Variants in TTC39A observed in about 807,000 individuals in gnomAD.
TTC39A encodes the protein tetratricopeptide repeat domain 39A.
TTC39A carries 46 observed loss-of-function variants against 82.3 expected under a neutral mutation model. That is an observed-to-expected ratio of 0.56 (90% CI 0.44 to 0.71). The LOEUF (loss-of-function observed/expected upper bound fraction) is 0.71. Among genes scored for constraint, TTC39A ranks in the 30% least tolerant of loss-of-function variants. The pLI is 0.00. For missense variants in TTC39A, 543 were observed against 712.9 expected (o/e 0.76, Z 2.71); for synonymous variants, 254 against 275.2 (o/e 0.92, Z 0.76).
chr1:51,301,834 G>A (rs1022877238), intron 11 of TTC39A, 101 bp from the exon 12 acceptor site: 1 of 1,491,510 alleles, frequency 6.7e-7, no homozygotes, highest in Non-Finnish European at 9.0e-7. Context: ...GACTCCTCCA[G>A]GGCATAGTGG....
intron 7 of TTC39A, chr1:51,305,551 C>A (rs888218551): frequency 9.7e-6 from 3 of 308,884 alleles, no homozygotes; most frequent in East Asian, 8.0e-5. Context: ...AACCTTCCCC[C>A]ACTCCATGCA....
At chr1:51,295,930 G>T (rs2297182) in intron 13 of TTC39A, 149 bp downstream of exon 13, 23,453 of 760,270 alleles carry the variant, frequency 0.031, 675 homozygotes, top group East Asian at 0.13. Context: ...GGGAGGACAC[G>T]CAGGGGGGGC....
At chr1:51,318,234 G>A (rs1645366585) in intron 2 of TTC39A, among the ~76,000 whole-genome samples, 1 of 152,166 alleles carries the variant, frequency 6.6e-6, no homozygotes, top group Non-Finnish European at 1.5e-5. Context: ...TTCCAGTGCA[G>A]GAGGGTGGCT....
At chr1:51,307,531 C>G (rs955456574) in intron 6 of TTC39A, among the ~76,000 whole-genome samples, 2 of 151,920 alleles carry the variant, frequency 1.3e-5, no homozygotes, top group Non-Finnish European at 2.9e-5. Context: ...GTCAGGAGTT[C>G]GAGACCAGCC....
At chr1:51,320,097 G>C (rs1481482506) in intron 2 of TTC39A, among the ~76,000 whole-genome samples, 1 of 152,154 alleles carries the variant, frequency 6.6e-6, no homozygotes, top group Non-Finnish European at 1.5e-5. Flanking sequence ...CCAGGAAACA[G>C]CCAGGAGGAG....
At chr1:51,305,516 C>G (rs1336360524) in intron 7 of TTC39A, 1 of 323,076 alleles carries the variant, frequency 3.1e-6, no homozygotes, top group Non-Finnish European at 5.9e-6. Flanking sequence ...GGAGCCAGCA[C>G]AGATGCTCAC....
Position 51,308,460 on chromosome 1 carries a change from G to A in TTC39A, c.488+801C>T, listed in dbSNP as rs186065760. On this transcript the variant is annotated intron_variant, in intron 6 of 17. Coordinates refer to ENST00000680483, the MANE Select transcript of TTC39A (RefSeq NM_001297663.2). ...TCACCAGGTTGGTCAGGCTGGTCTC[G>A]AACTCCTGGCCTCAGGTGATCCACC... 1.3e-4 allele frequency among the ~76,000 whole-genome samples: 20 copies of A among 152,228 alleles called. No individual in the cohort carries two copies. The East Asian group carries it at 2.1e-3, about 16-fold the overall frequency.
At chr1:51,325,632 C>T (rs1422909707) in intron 1 of TTC39A, among the ~76,000 whole-genome samples, 1 of 152,180 alleles carries the variant, frequency 6.6e-6, no homozygotes, top group African/African-American at 2.4e-5. Context: ...TAAGGTCACA[C>T]ATCCAAGCTA....
intron 1 of TTC39A, among the ~76,000 whole-genome samples, chr1:51,323,434 C>T (rs1645599930): frequency 6.6e-6 from 1 of 152,132 alleles, no homozygotes; most frequent in African/African-American, 2.4e-5. Flanking sequence ...CAATCAACCC[C>T]TTCTATGCCC....
At chr1:51,340,904 G>A (rs1396185128) in intron 1 of TTC39A, among the ~76,000 whole-genome samples, 1 of 152,200 alleles carries the variant, frequency 6.6e-6, no homozygotes, top group Non-Finnish European at 1.5e-5. Flanking sequence ...GGGTGCGGTA[G>A]CTCTTGCCTA....
upstream of TTC39A, chr1:51,331,179 A>T: frequency 6.5e-7 from 1 of 1,548,000 alleles, no homozygotes; most frequent in Non-Finnish European, 8.7e-7. Context: ...CTAGGACTGG[A>T]ATCCATCCCT....
At chr1:51,299,684 GCCTGGCCCA>G (rs1478152658) in intron 12 of TTC39A, 1 of 152,392 alleles carries the variant, frequency 6.6e-6, no homozygotes, top group African/African-American at 2.4e-5. Flanking sequence ...CAGCTGGGAG[GCCTGGCCCA>G]CCTTCTGTTC....
rs1312654904 is a variant in TTC39A, at chr1:51,321,197, G to A, written c.146+524C>T. Among the ~76,000 whole-genome samples the A allele has an allele frequency of 6.6e-6, 1 of 152,186 alleles. No homozygotes were observed. Among genetic ancestry groups the A allele is most frequent in the Non-Finnish European group, 1.5e-5 (1 of 68,028 alleles). On this transcript the variant is annotated intron_variant, in intron 2 of 17. Coordinates refer to ENST00000680483, the MANE Select transcript of TTC39A (RefSeq NM_001297663.2). The surrounding 1 kb of genome is among the most constrained non-coding windows in gnomAD (Gnocchi z 4.6). ...CCCAATAAATGTTTTAAAGTGATAA[G>A]AAAGGGTGAGTTTTACGGTATCTGA...
rs549903351 is a variant in TTC39A at position 51,310,322 on chromosome 1, G to T, written c.423+932C>A. Among the ~76,000 whole-genome samples, 4 of 152,314 alleles carry T rather than the reference G, an allele frequency of 2.6e-5. No individual in the cohort carries two copies. The East Asian group carries it at 7.7e-4, about 29-fold the overall frequency. On this transcript the variant is annotated intron_variant, in intron 5 of 17. Transcript: ENST00000680483. ...CCCCTGTTGGGTACATGGACAGGGTGAGGAGGAGCCCCAGGGTGAGGAGAG... is the reference window on the plus strand; with the variant it reads ...CCCCTGTTGGGTACATGGACAGGGTTAGGAGGAGCCCCAGGGTGAGGAGAG...
At chr1:51,340,783 A>G (rs1186158427) in intron 1 of TTC39A, among the ~76,000 whole-genome samples, 1 of 152,150 alleles carries the variant, frequency 6.6e-6, no homozygotes, top group Non-Finnish European at 1.5e-5. Flanking sequence ...GAGTCCTAAC[A>G]TTACCCCCAT....
upstream of TTC39A, chr1:51,331,411 A>T: frequency 6.9e-7 from 1 of 1,450,320 alleles, no homozygotes; most frequent in African/African-American, 1.4e-5. Flanking sequence ...GCTGCTCTTA[A>T]CCATGACTCA....
At chr1:51,315,422 C>T (rs1645247116) in intron 2 of TTC39A, among the ~76,000 whole-genome samples, 1 of 152,168 alleles carries the variant, frequency 6.6e-6, no homozygotes, top group Non-Finnish European at 1.5e-5. Context: ...CCTGAGCTGT[C>T]CTCTCACTCT....
intron 6 of TTC39A, 41 bp downstream of exon 6, chr1:51,309,220 G>C: frequency 1.3e-6 from 2 of 1,572,346 alleles, no homozygotes; most frequent in Non-Finnish European, 1.7e-6. Context: ...AGATGCTGTG[G>C]CCCAGGGTCT....
chr1:51,333,685 C>T (rs1645939557), upstream of TTC39A, among the ~76,000 whole-genome samples: 1 of 152,194 alleles, frequency 6.6e-6, no homozygotes, highest in Admixed American at 6.5e-5. Flanking sequence ...ACCTTAATCA[C>T]CCTGAGCTGT....
Sources: gnomAD v4.1 joint callset for allele counts (sites outside exome capture counted in the v4.1 genomes callset) on GRCh38, gnomAD v4.1.1 for gene constraint, Gnocchi (gnomAD v3.1) non-coding constraint, MANE v1.5 for transcripts, NCBI Gene and HGNC (gene_info 2026-07-23, HGNC 2026-07-21) for gene names.